The following TAFA1 variants were observed in gnomAD, a reference collection of about 807,000 sequenced individuals.
TAFA1 encodes the protein chemokine-like protein TAFA-1.
Under a neutral mutation model 18.5 loss-of-function variants are expected in TAFA1, and 4 were observed. The ratio of observed to expected loss-of-function variants is 0.22; its 90% CI spans 0.11 to 0.49. The LOEUF (loss-of-function observed/expected upper bound fraction) is 0.49. TAFA1 is among the 20% of genes least tolerant of loss of function. The pLI is 0.98. For synonymous variants in TAFA1, 56 were observed against 55.2 expected, an observed-to-expected ratio of 1.01 and a Z score of -0.06; for missense variants, 147 against 169.0, an observed-to-expected ratio of 0.87 and a Z score of 0.72.
chr3:68,118,749 A>G (rs892195135), intron 2 of TAFA1, among the ~76,000 whole-genome samples: 1 of 152,168 alleles, frequency 6.6e-6, no homozygotes, highest in African/African-American at 2.4e-5. Context: ...GTGTGTATAT[A>G]ATGCATTTTA....
intron 2 of TAFA1, among the ~76,000 whole-genome samples, chr3:68,274,376 G>A (rs2067747717): frequency 6.6e-6 from 1 of 152,104 alleles, no homozygotes; most frequent in Non-Finnish European, 1.5e-5. Context: ...AGTGTTCAGA[G>A]AAAAATGGTA....
intron 1 of TAFA1, chr3:68,006,111 T>C (rs1007189937): frequency 1.3e-5 from 2 of 155,370 alleles, no homozygotes; most frequent in Non-Finnish European, 2.9e-5. Context: ...TATCAGGAGA[T>C]TACAACATGC....
Position 68,006,660 on chromosome 3 carries a change from T to C in TAFA1, c.34T>C (p.Tyr12His). The stretch of plus-strand genomic sequence containing the variant: ...GGTCTCTGCGATGTCCTGGGTCCTG[T>C]ATTTGTGGATAAGTGCTTGTGCAAT... ...AMVSAMSWVL[Y>H]LWISACAMLL... Residue 12 changes from tyrosine (Y) to histidine (H), a missense_variant, in exon 2 of 5, where the codon TAT becomes CAT. By Grantham distance (83) the Tyr-to-His change is moderately conservative. Coordinates refer to ENST00000478136, the MANE Select transcript of TAFA1 (RefSeq NM_213609.4). The C allele has an allele frequency of 6.2e-7, 1 of 1,613,986 alleles. No homozygotes were observed.
At chr3:68,036,404 A>G (rs553350534) in intron 2 of TAFA1, among the ~76,000 whole-genome samples, 35 of 143,498 alleles carry the variant, frequency 2.4e-4, no homozygotes, top group Admixed American at 2.2e-3. Context: ...GTGCCACTGC[A>G]CTCCAGCCTT....
At chr3:68,541,117 C>T (rs7620676) in intron 4 of TAFA1, among the ~76,000 whole-genome samples, 61,642 of 152,054 alleles carry the variant, frequency 0.41, 13,191 homozygotes, top group African/African-American at 0.55. Context: ...AATAGGAGGC[C>T]ACTCTACAGC....
chr3:68,412,467 G>T (rs557202735), intron 2 of TAFA1, among the ~76,000 whole-genome samples: 2 of 152,102 alleles, frequency 1.3e-5, no homozygotes, highest in Admixed American at 1.3e-4. Flanking sequence ...ATGTTGGTGT[G>T]CTGCACCTGT....
intron 2 of TAFA1, among the ~76,000 whole-genome samples, chr3:68,231,682 A>G (rs1163273279): frequency 2.0e-5 from 3 of 152,110 alleles, no homozygotes; most frequent in Admixed American, 2.0e-4. Flanking sequence ...TTTTGCTAAC[A>G]GCTTTATTGA....
At chr3:68,169,203 A>G (rs1462868645) in intron 2 of TAFA1, among the ~76,000 whole-genome samples, 1 of 151,982 alleles carries the variant, frequency 6.6e-6, no homozygotes, top group Non-Finnish European at 1.5e-5. Flanking sequence ...GCTAAGTCAT[A>G]AAAGGCACTG....
chr3:68,513,006 T>C (rs2072872503), intron 3 of TAFA1, among the ~76,000 whole-genome samples: 2 of 152,108 alleles, frequency 1.3e-5, no homozygotes, highest in South Asian at 2.1e-4. Flanking sequence ...GAGGTCCATG[T>C]TGTGTGTGGT....
intron 2 of TAFA1, among the ~76,000 whole-genome samples, chr3:68,338,389 CTTTG>C (rs1391752989): frequency 3.3e-5 from 5 of 152,094 alleles, no homozygotes; most frequent in African/African-American, 4.8e-5. Context: ...CAAAAATATG[CTTTG>C]TTTGTCTTCT....
At chr3:68,281,935 G>A (rs1382662826) in intron 2 of TAFA1, among the ~76,000 whole-genome samples, 1 of 152,138 alleles carries the variant, frequency 6.6e-6, no homozygotes, top group African/African-American at 2.4e-5. Flanking sequence ...CCTGAGACTG[G>A]GTTATTTATA....
intron 3 of TAFA1, among the ~76,000 whole-genome samples, chr3:68,456,781 T>G (rs1281696170): frequency 1.3e-5 from 2 of 152,204 alleles, no homozygotes; most frequent in African/African-American, 4.8e-5. Flanking sequence ...CTTCCCACTT[T>G]TCTTTTTTCT....
intron 2 of TAFA1, among the ~76,000 whole-genome samples, chr3:68,039,385 A>G (rs188027257): frequency 6.6e-6 from 1 of 152,298 alleles, no homozygotes; most frequent in Non-Finnish European, 1.5e-5. Context: ...AGTACTCTTT[A>G]ACAATCAACT....
chr3:68,088,481 G>T (rs967130121), intron 2 of TAFA1, among the ~76,000 whole-genome samples: 6 of 152,190 alleles, frequency 3.9e-5, no homozygotes, highest in Non-Finnish European at 7.3e-5. Context: ...CTTGACCTTT[G>T]GAGGTCATCA....
At chr3:68,147,573 A>G (rs1480980943) in intron 2 of TAFA1, among the ~76,000 whole-genome samples, 2 of 152,094 alleles carry the variant, frequency 1.3e-5, no homozygotes, top group Non-Finnish European at 2.9e-5. Context: ...CCATCACATA[A>G]AAGAATATGA....
chr3:68,146,561 T>A (rs558295028), intron 2 of TAFA1, among the ~76,000 whole-genome samples: 20 of 152,302 alleles, frequency 1.3e-4, no homozygotes, highest in African/African-American at 4.8e-4. Context: ...ACATAATGCA[T>A]GGATGTATTA....
At chr3:68,087,680 A>G (rs1425797262) in intron 2 of TAFA1, among the ~76,000 whole-genome samples, 2 of 151,462 alleles carry the variant, frequency 1.3e-5, no homozygotes, top group Non-Finnish European at 2.9e-5. Context: ...CCTTGTATTT[A>G]AAACATAGCA....
intron 2 of TAFA1, among the ~76,000 whole-genome samples, chr3:68,052,714 G>A (rs965417411): frequency 6.6e-6 from 1 of 152,108 alleles, no homozygotes; most frequent in Admixed American, 6.6e-5. Flanking sequence ...TGCCTGGCAC[G>A]ATATTGAATA....
At chr3:68,468,530 C>G (rs776204453) in intron 3 of TAFA1, among the ~76,000 whole-genome samples, 1 of 152,172 alleles carries the variant, frequency 6.6e-6, no homozygotes, top group African/African-American at 2.4e-5. Flanking sequence ...GCAGAGCACC[C>G]ACACTGCTAG....
Sources: allele counts gnomAD v4.1 joint callset (sites outside exome capture counted in the v4.1 genomes callset), GRCh38; gene constraint gnomAD v4.1.1; transcripts MANE v1.5; gene names NCBI Gene and HGNC (gene_info 2026-07-23, HGNC 2026-07-21).